MET: variants seen among roughly 807,000 people sequenced by gnomAD.
MET encodes the protein hepatocyte growth factor receptor.
Under a neutral mutation model 133.1 loss-of-function variants are expected in MET, and 48 were observed. The ratio of observed to expected loss-of-function variants is 0.36; its 90% CI spans 0.29 to 0.46. MET has a LOEUF of 0.46. Ranked by LOEUF, MET falls within the 20% of genes least tolerant of loss-of-function variation. The pLI, the probability that MET is intolerant of heterozygous loss-of-function variation, is 1.00. For missense variants in MET, 1,442 were observed against 1,695.9 expected, an observed-to-expected ratio of 0.85 and a Z score of 2.63; for synonymous variants, 628 against 616.5, an observed-to-expected ratio of 1.02 and a Z score of -0.28.
intron 2 of MET, among the ~76,000 whole-genome samples, chr7:116,714,939 A>T (rs1296543685): frequency 6.6e-6 from 1 of 152,170 alleles, no homozygotes; most frequent in Non-Finnish European, 1.5e-5. Context: ...TTACTTATGA[A>T]CTTAAGTAAT....
chr7:116,704,994 G>A (rs116458171), intron 2 of MET, among the ~76,000 whole-genome samples: 2,721 of 152,034 alleles, frequency 0.018, 64 homozygotes, highest in African/African-American at 0.061. Context: ...TTCCATCTCC[G>A]TTTCACAGAA....
At chr7:116,767,233 C>A (rs529441817) in intron 11 of MET, among the ~76,000 whole-genome samples, 2 of 152,286 alleles carry the variant, frequency 1.3e-5, no homozygotes, top group South Asian at 2.1e-4. Context: ...GGTTCTGTAA[C>A]CATCTCAGAC....
intron 12 of MET, among the ~76,000 whole-genome samples, chr7:116,770,594 G>A (rs768789322): frequency 2.0e-5 from 3 of 151,854 alleles, no homozygotes; most frequent in South Asian, 4.2e-4. Context: ...TCTCTCCCCC[G>A]GCTCCTGATA....
intron 2 of MET, among the ~76,000 whole-genome samples, chr7:116,716,287 GAGAGAGA>G (rs1562892884): frequency 3.8e-4 from 8 of 20,788 alleles, no homozygotes; most frequent in East Asian, 1.4e-3. Context: ...GAGAGAGGGA[GAGAGAGA>G]GAGAGAGAGA....
intron 15 of MET, among the ~76,000 whole-genome samples, chr7:116,776,723 C>A (rs1225707377): frequency 6.6e-6 from 1 of 152,134 alleles, no homozygotes; most frequent in African/African-American, 2.4e-5. Flanking sequence ...AGACATTTGG[C>A]ACCTCTGGGG....
At chr7:116,771,737 T>A (rs1045887472) in intron 13 of MET, 83 bp downstream of exon 13, 62 of 1,607,618 alleles carry the variant, frequency 3.9e-5, no homozygotes, top group Admixed American at 2.3e-4. Context: ...GATTCTTGTG[T>A]GCTGTCTTAT....
rs184452073 is a variant in MET, at chr7:116,703,591, T to C, written c.1200+3307T>C. ...ATTTGAGGATAAGCAGTAGCAAAAATTTCATTAACTTGTTTAAAATTAAGT... is the reference window on the plus strand; with the variant it reads ...ATTTGAGGATAAGCAGTAGCAAAAACTTCATTAACTTGTTTAAAATTAAGT... On this transcript the variant is annotated intron_variant, in intron 2 of 20. Coordinates refer to ENST00000397752, the MANE Select transcript of MET (RefSeq NM_000245.4). 3.3e-5 allele frequency among the ~76,000 whole-genome samples: 5 copies of C among 152,182 alleles called. No individual in the cohort carries two copies. In the East Asian group the frequency reaches 9.6e-4, roughly 29 times the overall value.
intron 1 of MET, among the ~76,000 whole-genome samples, chr7:116,682,432 C>T (rs985467106): frequency 6.6e-6 from 1 of 152,110 alleles, no homozygotes; most frequent in African/African-American, 2.4e-5. Context: ...GTATCTGTTT[C>T]AATGTGTTTT....
intron 5 of MET, among the ~76,000 whole-genome samples, chr7:116,744,244 GCT>G (rs1741968136): frequency 1.3e-5 from 2 of 151,986 alleles, no homozygotes; most frequent in South Asian, 4.1e-4. Context: ...ACTCCTCCAA[GCT>G]AAAGGAGCAT....
rs1168862161 is a variant in MET, at chr7:116,783,362, G to T, written c.3691G>T (p.Asp1231Tyr). The T allele has an allele frequency of 6.2e-7, 1 of 1,614,008 alleles. No individual in the cohort carries two copies. Among genetic ancestry groups the T allele is most frequent in the Non-Finnish European group, 8.5e-7 (1 of 1,180,026 alleles). The change falls in exon 19 of 21, where the codon GAT becomes TAT. Residue 1231 changes from aspartate (D) to tyrosine (Y), a missense_variant. By Grantham distance (160) the Asp-to-Tyr change is radical (BLOSUM62 -3). This residue lies in a region of MET where 38 missense variants were observed against 40.6 expected (regional missense o/e 0.94). Coordinates refer to ENST00000397752, the MANE Select transcript of MET (RefSeq NM_000245.4). ...ADFGLARDMY[D>Y]KEYYSVHNKT... ...TTTTGGTCTTGCCAGAGACATGTATGATAAAGAATACTATAGTGTACACAA... is the reference window on the plus strand; with the variant it reads ...TTTTGGTCTTGCCAGAGACATGTATTATAAAGAATACTATAGTGTACACAA...
intron 19 of MET, among the ~76,000 whole-genome samples, chr7:116,790,850 G>A (rs1470253374): frequency 2.0e-5 from 3 of 152,200 alleles, no homozygotes; most frequent in African/African-American, 7.2e-5. Context: ...GCCGAGGAGG[G>A]CAGATCACTT....
chr7:116,764,444 T>C (rs1794538099), intron 11 of MET, among the ~76,000 whole-genome samples: 2 of 152,114 alleles, frequency 1.3e-5, no homozygotes, highest in Admixed American at 1.3e-4. Flanking sequence ...AATTACTGTG[T>C]TTGCCATTTG....
intron 2 of MET, among the ~76,000 whole-genome samples, chr7:116,726,171 A>ATATATATATATACACACACACAC (rs1792774352): frequency 8.2e-6 from 1 of 122,626 alleles, no homozygotes; most frequent in African/African-American, 3.1e-5. Context: ...ATATATATAT[A>ATATATATATATACACACACACAC]TATATATGGG....
At chr7:116,725,233 C>G (rs762256425) in intron 2 of MET, among the ~76,000 whole-genome samples, 15 of 151,992 alleles carry the variant, frequency 9.9e-5, no homozygotes, top group Non-Finnish European at 2.1e-4. Context: ...ATAACAAACC[C>G]AAGTCACAGA....
intron 17 of MET, among the ~76,000 whole-genome samples, chr7:116,780,405 T>C (rs766798203): frequency 9.2e-5 from 14 of 152,126 alleles, no homozygotes; most frequent in Non-Finnish European, 2.1e-4. Flanking sequence ...GAATAAAACA[T>C]TCCCTGGCAG....
intron 1 of MET, among the ~76,000 whole-genome samples, chr7:116,676,362 G>A (rs1411174360): frequency 6.6e-6 from 1 of 152,166 alleles, no homozygotes; most frequent in African/African-American, 2.4e-5. Flanking sequence ...GTGAAAGCCA[G>A]GTTCCTGTAC....
intron 19 of MET, among the ~76,000 whole-genome samples, chr7:116,789,092 T>C (rs946674471): frequency 1.9e-4 from 29 of 152,318 alleles, no homozygotes; most frequent in Middle Eastern, 3.4e-3. Context: ...CCCTCATTTT[T>C]CTTGAAATTT....
At chr7:116,712,581 G>A (rs1157140040) in intron 2 of MET, among the ~76,000 whole-genome samples, 2 of 152,026 alleles carry the variant, frequency 1.3e-5, no homozygotes, top group African/African-American at 2.4e-5. Context: ...CAGTTTTTCC[G>A]TCTCTCCCCT....
intron 5 of MET, among the ~76,000 whole-genome samples, chr7:116,747,544 G>A (rs534094322): frequency 2.0e-5 from 3 of 152,276 alleles, no homozygotes; most frequent in East Asian, 3.9e-4. Flanking sequence ...ATTACATAAT[G>A]GTAAAGGGAT....
Sources: gnomAD v4.1 joint callset for allele counts (sites outside exome capture counted in the v4.1 genomes callset) on GRCh38, gnomAD v4.1.1 for gene constraint, gnomAD v4.1.1 regional missense constraint, MANE v1.5 for transcripts, NCBI Gene and HGNC (gene_info 2026-07-23, HGNC 2026-07-21) for gene names.